The following FBXO38 variants were observed in gnomAD, a reference collection of about 807,000 sequenced individuals.
FBXO38 encodes F-box only protein 38.
In FBXO38, 53 loss-of-function variants were observed where a neutral mutation model predicts 131.9. The ratio of observed to expected loss-of-function variants is 0.40; its 90% CI spans 0.32 to 0.51. The LOEUF (loss-of-function observed/expected upper bound fraction) is 0.51, where lower values mean the gene tolerates loss of function less well. FBXO38 is among the 20% of genes least tolerant of loss of function. The pLI, the probability that FBXO38 is intolerant of heterozygous loss-of-function variation, is 0.53. For missense variants in FBXO38, 1,076 were observed against 1,475.6 expected (o/e 0.73, Z 4.44); for synonymous variants, 452 against 505.6 (o/e 0.89, Z 1.42).
At chr5:148,425,444 A>G in intron 13 of FBXO38, 78 bp from the exon 14 acceptor site, 2 of 1,151,736 alleles carry the variant, frequency 1.7e-6, no homozygotes, top group Non-Finnish European at 2.5e-6. Flanking sequence ...TGTTGATTCC[A>G]GATCCCTGGA....
At chr5:148,436,310 G>C (rs1427126448) in intron 17 of FBXO38, among the ~76,000 whole-genome samples, 1 of 152,100 alleles carries the variant, frequency 6.6e-6, no homozygotes, top group Non-Finnish European at 1.5e-5. Flanking sequence ...CTCTAGTAAT[G>C]CCTAGTGATG....
intron 3 of FBXO38, among the ~76,000 whole-genome samples, chr5:148,400,076 T>C (rs538333742): frequency 1.3e-5 from 2 of 152,174 alleles, no homozygotes; most frequent in South Asian, 4.1e-4. Context: ...AATCAGTTGG[T>C]AACTCTTATC....
chr5:148,417,290 CT>C, intron 12 of FBXO38, 86 bp downstream of exon 12: 1 of 947,570 alleles, frequency 1.1e-6, no homozygotes, highest in South Asian at 1.4e-5. Context: ...CCTTTTTCCC[CT>C]GTTTCAACTT....
intron 1 of FBXO38, among the ~76,000 whole-genome samples, chr5:148,390,720 A>G (rs984072422): frequency 3.3e-5 from 5 of 152,284 alleles, no homozygotes; most frequent in African/African-American, 7.2e-5. Flanking sequence ...TATAAACTCA[A>G]TGATATTTAA....
intron 1 of FBXO38, chr5:148,390,032 GA>G (rs752637380): frequency 0.056 from 6,802 of 122,248 alleles, 205 homozygotes; most frequent in African/African-American, 0.1. Flanking sequence ...CTGTCTTAAA[GA>G]AAAAAAAAAA....
chr5:148,401,597 C>G (rs1028269749), intron 3 of FBXO38, among the ~76,000 whole-genome samples: 4 of 152,082 alleles, frequency 2.6e-5, no homozygotes, highest in African/African-American at 9.7e-5. Context: ...GAAGGTTTTA[C>G]AGACGAGAGT....
intron 17 of FBXO38, among the ~76,000 whole-genome samples, chr5:148,436,601 T>A (rs1265619827): frequency 6.6e-6 from 1 of 152,220 alleles, no homozygotes; most frequent in African/African-American, 2.4e-5. Context: ...GAGGTCTATT[T>A]TGTTTTATAT....
Position 148,425,713 on chromosome 5 carries a change from T to C in FBXO38, c.1918+12T>C. ...CAGAGAATTGTCAGGTGAGAAATTGTCTTTCTCTGAACTATTAATGAGAGT... is the reference window on the plus strand; with the variant it reads ...CAGAGAATTGTCAGGTGAGAAATTGCCTTTCTCTGAACTATTAATGAGAGT... On this transcript the variant is annotated intron_variant, in intron 14 of 21. Transcript: ENST00000340253. 6.2e-7 allele frequency: 1 copy of C among 1,610,112 alleles called. No homozygotes were observed. The highest frequency in any genetic ancestry group is 8.5e-7 in the Non-Finnish European group (1 of 1,177,520).
chr5:148,417,478 G>T (rs1458419300), intron 12 of FBXO38, among the ~76,000 whole-genome samples: 1 of 152,130 alleles, frequency 6.6e-6, no homozygotes, highest in African/African-American at 2.4e-5. Context: ...AACTCTTGAG[G>T]TCTGAGACTT....
At chr5:148,407,218 G>C (rs550320178) in intron 7 of FBXO38, among the ~76,000 whole-genome samples, 1 of 152,124 alleles carries the variant, frequency 6.6e-6, no homozygotes, top group African/African-American at 2.4e-5. Context: ...GATTGATGGC[G>C]ATAGTTAACA....
chr5:148,440,060 C>T (rs1193765812), intron 19 of FBXO38, among the ~76,000 whole-genome samples: 1 of 151,910 alleles, frequency 6.6e-6, no homozygotes, highest in Non-Finnish European at 1.5e-5. Context: ...AGCCTTGGGG[C>T]ATGAAAAAGA....
chr5:148,427,262 G>A lies in FBXO38; in HGVS notation c.1968G>A (p.Gln656=). ...TPLRKRYNSH[Q]MGQSKQFPLE... ...TTCGAAAGAGGTACAACTCCCATCA[G>A]ATGGGCCAGTCGAAGCAGTTTCCCC... Residue 656 remains glutamine, a synonymous_variant, in exon 15 of 22, where the codon CAG becomes CAA. Transcript: ENST00000340253. 6.2e-7 allele frequency: 1 copy of A among 1,614,082 alleles called. No individual in the cohort carries two copies. The highest frequency in any genetic ancestry group is 8.5e-7 in the Non-Finnish European group (1 of 1,179,990).
chr5:148,439,866 A>G (rs1442740157), intron 19 of FBXO38, 74 bp downstream of exon 19: 6 of 1,418,058 alleles, frequency 4.2e-6, no homozygotes, highest in Middle Eastern at 1.9e-4. Context: ...GCAAATCCCA[A>G]TTTTTCTTTA....
Position 148,394,769 on chromosome 5 carries a change from G to T in FBXO38, c.-8G>T. The T allele has an allele frequency of 6.4e-7, 1 of 1,553,882 alleles. No individual in the cohort carries two copies. Among genetic ancestry groups the T allele is most frequent in the Non-Finnish European group, 8.7e-7 (1 of 1,151,624 alleles). ...GATTTTCTCGTTGATACTGGAGACT[G>T]CACAACAATGGGGCCACGAAAGAAA... On this transcript the variant is annotated 5_prime_UTR_variant, in exon 2 of 22. Coordinates refer to ENST00000340253, the MANE Select transcript of FBXO38 (RefSeq NM_205836.3).
chr5:148,392,196 A>G (rs1758231035), intron 1 of FBXO38, among the ~76,000 whole-genome samples: 1 of 151,762 alleles, frequency 6.6e-6, no homozygotes, highest in African/African-American at 2.4e-5. Context: ...CCATTTCCGT[A>G]GTGCACGTGA....
chr5:148,428,889 ATGC>A, intron 15 of FBXO38, among the ~76,000 whole-genome samples: 1 of 152,220 alleles, frequency 6.6e-6, no homozygotes. Context: ...AGACTTTTTT[ATGC>A]TTTGCAAACA....
intron 9 of FBXO38, 88 bp from the exon 10 acceptor site, chr5:148,414,048 A>G: frequency 7.7e-7 from 1 of 1,299,448 alleles, no homozygotes; most frequent in Non-Finnish European, 1.1e-6. Flanking sequence ...GAGACTTTTT[A>G]TACTGACTGG....
At chr5:148,426,167 C>G (rs549816162) in intron 14 of FBXO38, among the ~76,000 whole-genome samples, 1 of 152,110 alleles carries the variant, frequency 6.6e-6, no homozygotes, top group African/African-American at 2.4e-5. Context: ...AGGCAACAAC[C>G]CTCTGCAGTG....
At chr5:148,388,219 ATACTG>A (rs1166907754) in intron 1 of FBXO38, among the ~76,000 whole-genome samples, 3 of 152,224 alleles carry the variant, frequency 2.0e-5, no homozygotes, top group South Asian at 4.1e-4. Context: ...TTAGTATACT[ATACTG>A]TAAACAGATG....
Sources: gnomAD v4.1 joint callset for allele counts (sites outside exome capture counted in the v4.1 genomes callset) on GRCh38, gnomAD v4.1.1 for gene constraint, MANE v1.5 for transcripts, NCBI Gene and HGNC (gene_info 2026-07-23, HGNC 2026-07-21) for gene names.